FEM1B: variants seen among roughly 807,000 people sequenced by gnomAD.
FEM1B encodes the protein protein fem-1 homolog B.
FEM1B carries 10 observed loss-of-function variants against 38.6 expected under a neutral mutation model. The observed-to-expected ratio is 0.26, with a 90% CI of 0.16 to 0.44. The LOEUF (loss-of-function observed/expected upper bound fraction) is 0.44. Ranked by LOEUF, FEM1B falls within the 20% of genes least tolerant of loss-of-function variation. FEM1B has a pLI of 1.00. For missense variants in FEM1B, 471 were observed against 786.7 expected, an observed-to-expected ratio of 0.60 and a Z score of 4.80; for synonymous variants, 288 against 288.0, an observed-to-expected ratio of 1.00 and a Z score of 0.00.
chr15:68,287,928 G>A (rs1305661521), intron 1 of FEM1B, among the ~76,000 whole-genome samples: 1 of 150,192 alleles, frequency 6.7e-6, no homozygotes, highest in African/African-American at 2.5e-5. Flanking sequence ...CTGCCTCCCA[G>A]GTTCAAGCAA....
At position 68,292,191 on chromosome 15, in the gene FEM1B, A is replaced by G. The variant is rs189587944; in HGVS notation, c.*949A>G. ...GCCTCCCTAATAAGGTATTTTACTT[A>G]TGACAGATGAAAAGGAACCAGGATA... On this transcript the variant is annotated 3_prime_UTR_variant, in exon 2 of 2. Coordinates refer to ENST00000306917, the MANE Select transcript of FEM1B (RefSeq NM_015322.5). 1 of 152,314 alleles carries G rather than the reference A, an allele frequency of 6.6e-6. No homozygotes were observed. The highest frequency in any genetic ancestry group is 1.5e-5 in the Non-Finnish European group (1 of 68,004). 9.4% of individuals were successfully genotyped at this position (152,314 alleles called of 1,614,324 possible). A position where few individuals can be genotyped will look rare whatever the true frequency, so the allele number is the denominator to read the frequency against.
At chr15:68,287,186 C>T (rs114499684) in intron 1 of FEM1B, among the ~76,000 whole-genome samples, 1,686 of 152,188 alleles carry the variant, frequency 0.011, 39 homozygotes, top group African/African-American at 0.039. Flanking sequence ...CCACCGCACC[C>T]GGCCTGATTC....
Position 68,278,500 on chromosome 15 carries a change from C to G in FEM1B, c.83C>G (p.Ser28Cys). Reference sequence around the variant, plus strand: ...CTGGCCGCCTTGCTTCTCAACCGGTCTGAAAGCGACATCCGCTATCTGCTT... The same window carrying G: ...CTGGCCGCCTTGCTTCTCAACCGGTGTGAAAGCGACATCCGCTATCTGCTT... ...LTLAALLLNR[S>C]ESDIRYLLGY... The change falls in exon 1 of 2, where the codon TCT becomes TGT. Residue 28 changes from serine to cysteine, a missense_variant. By Grantham distance (112) the Ser-to-Cys change is moderately radical (BLOSUM62 -1). Transcript: ENST00000306917. This position sits in a 1 kb window ranked among gnomAD's most constrained non-coding sequence, Gnocchi z 5.7. 6.2e-7 allele frequency: 1 copy of G among 1,614,010 alleles called. No individual in the cohort carries two copies. The highest frequency in any genetic ancestry group is 1.1e-5 in the South Asian group (1 of 91,076).
Position 68,290,851 on chromosome 15 carries a change from TTGA to T in FEM1B, c.1498_1500del (p.Asp500del). The T allele has an allele frequency of 6.2e-7, 1 of 1,614,148 alleles. No homozygotes were observed. The highest frequency in any genetic ancestry group is 8.5e-7 in the Non-Finnish European group (1 of 1,180,024). ...CTGGCTGTCAATTCCAATACTCCAG[TTGA>T]TGATTTCCACACCAATGACGTCTGC... is the stretch of plus-strand genomic sequence containing the variant. On this transcript the variant is annotated inframe_deletion, in exon 2 of 2. Transcript: ENST00000306917. The surrounding 1 kb of genome is among the most constrained non-coding windows in gnomAD (Gnocchi z 9.7).
chr15:68,289,542 C>A lies in FEM1B; in HGVS notation c.249-65C>A. The A allele has an allele frequency of 8.5e-7, 1 of 1,173,412 alleles. No homozygotes were observed. Among genetic ancestry groups the A allele is most frequent in the South Asian group, 1.4e-5 (1 of 73,802 alleles). 72.7% of individuals were successfully genotyped at this position (1,173,412 alleles called of 1,614,324 possible). ...AGGTCTTGGTCGGTGGGAGTGAATA[C>A]ATCCCTTAAACATATGTTAGGCTGT... On this transcript the variant is annotated intron_variant, in intron 1 of 1. Transcript: ENST00000306917. The surrounding 1 kb of genome is among the most constrained non-coding windows in gnomAD (Gnocchi z 6.9).
intron 1 of FEM1B, among the ~76,000 whole-genome samples, chr15:68,279,312 A>G (rs941092519): frequency 6.6e-6 from 1 of 152,236 alleles, no homozygotes; most frequent in East Asian, 1.9e-4. Context: ...CCATTCTTAA[A>G]TTACATCTTA....
rs2140245311 is a variant in FEM1B at position 68,288,901 on chromosome 15, T to C, written c.249-706T>C. Among the ~76,000 whole-genome samples the C allele has an allele frequency of 6.6e-6, 1 of 152,306 alleles. No individual in the cohort carries two copies. Among genetic ancestry groups the C allele is most frequent in the East Asian group, 1.9e-4 (1 of 5,192 alleles). On this transcript the variant is annotated intron_variant, in intron 1 of 1. Transcript: ENST00000306917. This position sits in a 1 kb window ranked among gnomAD's most constrained non-coding sequence, Gnocchi z 4.6. The stretch of plus-strand genomic sequence containing the variant: ...CATATTTGTTTACTAGAGTCCCCTT[T>C]GTGCTTTCTCCCATTTCACTACCTC...
At position 68,281,256 on chromosome 15, in the gene FEM1B, T is replaced by C. The variant is rs142530350; in HGVS notation, c.248+2591T>C. Among the ~76,000 whole-genome samples, 1,072 of 152,354 alleles carry C rather than the reference T, an allele frequency of 7.0e-3. 17 individuals are homozygous for C. The highest frequency in any genetic ancestry group is 0.024 in the African/African-American group (1,018 of 41,578). ...AGGGATTAACAGCTGTGTGCTGAAGTAGATTAGTGTTTCTAATTTTTAGTC... is the reference window on the plus strand; with the variant it reads ...AGGGATTAACAGCTGTGTGCTGAAGCAGATTAGTGTTTCTAATTTTTAGTC... On this transcript the variant is annotated intron_variant, in intron 1 of 1. Transcript: ENST00000306917. This position sits in a 1 kb window ranked among gnomAD's most constrained non-coding sequence, Gnocchi z 5.1.
rs1892731413 is a variant in FEM1B at position 68,281,761 on chromosome 15, G to GCA, written c.248+3096_248+3097insCA. 6.6e-6 allele frequency among the ~76,000 whole-genome samples: 1 copy of GCA among 152,130 alleles called. No individual in the cohort carries two copies. Among genetic ancestry groups the GCA allele is most frequent in the Admixed American group, 6.5e-5 (1 of 15,282 alleles). On this transcript the variant is annotated intron_variant, in intron 1 of 1. Transcript: ENST00000306917. The surrounding 1 kb of genome is among the most constrained non-coding windows in gnomAD (Gnocchi z 5.1). ...GCCTCCCGAGTAGCTGGGACTACAG[G>GCA]TGCCCACAACCATGCCTGGCTATTT...
Position 68,278,212 on chromosome 15 carries a change from C to A in FEM1B, c.-206C>A. 1 of 642,982 alleles carries A rather than the reference C, an allele frequency of 1.6e-6. No individual in the cohort carries two copies. The highest frequency in any genetic ancestry group is 3.3e-5 in the East Asian group (1 of 30,622). The allele number at this position is 642,982 out of a possible 1,614,324, so 39.8% of individuals were successfully genotyped here. A position where few individuals can be genotyped will look rare whatever the true frequency, so the allele number is the denominator to read the frequency against. On this transcript the variant is annotated 5_prime_UTR_variant, in exon 1 of 2. Coordinates refer to ENST00000306917, the MANE Select transcript of FEM1B (RefSeq NM_015322.5). This position sits in a 1 kb window ranked among gnomAD's most constrained non-coding sequence, Gnocchi z 5.7. ...GCCTTCCTCCCTGCGCGGGCTGGGT[C>A]GCGGACGTGCCCTTCGCGGCACTCG...
In FEM1B at chr15:68,292,363, C is replaced by A. The variant is rs998366689; in HGVS notation, c.*1121C>A. The A allele has an allele frequency of 1.3e-5, 2 of 152,114 alleles. No individual in the cohort carries two copies. The highest frequency in any genetic ancestry group is 2.9e-5 in the Non-Finnish European group (2 of 67,988). 9.4% of individuals were successfully genotyped at this position (152,114 alleles called of 1,614,324 possible). A position where few individuals can be genotyped will look rare whatever the true frequency, so the allele number is the denominator to read the frequency against. Reference sequence around the variant, plus strand: ...TGTCTGAGAGCTGCAAATTTTTCAACCACAAAATGTCACTTATTCCTACAG... The same window carrying A: ...TGTCTGAGAGCTGCAAATTTTTCAAACACAAAATGTCACTTATTCCTACAG... On this transcript the variant is annotated 3_prime_UTR_variant, in exon 2 of 2. Coordinates refer to ENST00000306917, the MANE Select transcript of FEM1B (RefSeq NM_015322.5).
In FEM1B at chr15:68,290,497, A is replaced by G. The variant is rs1386512407; in HGVS notation, c.1139A>G (p.Asn380Ser). ...ALHLRQKGNR[N>S]THKDLLRFAQ... Reference sequence around the variant, plus strand: ...CACCTCAGACAAAAAGGTAACAGGAACACCCACAAGGATCTTCTTCGATTT... The same window carrying G: ...CACCTCAGACAAAAAGGTAACAGGAGCACCCACAAGGATCTTCTTCGATTT... The change falls in exon 2 of 2, where the codon AAC (asparagine) becomes AGC (serine). Residue 380 changes from asparagine to serine, a missense_variant. Asn to Ser is a conservative substitution (Grantham distance 46). This residue lies in a region of FEM1B where 380 missense variants were observed against 599.6 expected (regional missense o/e 0.63). Transcript: ENST00000306917. The surrounding 1 kb of genome is among the most constrained non-coding windows in gnomAD (Gnocchi z 9.7). 1.9e-6 allele frequency: 3 copies of G among 1,614,082 alleles called. No homozygotes were observed. The highest frequency in any genetic ancestry group is 2.2e-5 in the East Asian group (1 of 44,894).
Position 68,284,678 on chromosome 15 carries a change from T to C in FEM1B, c.249-4929T>C, listed in dbSNP as rs1489467471. Among the ~76,000 whole-genome samples the C allele has an allele frequency of 6.6e-6, 1 of 152,204 alleles. No homozygotes were observed. Among genetic ancestry groups the C allele is most frequent in the Non-Finnish European group, 1.5e-5 (1 of 68,026 alleles). On this transcript the variant is annotated intron_variant, in intron 1 of 1. Coordinates refer to ENST00000306917, the MANE Select transcript of FEM1B (RefSeq NM_015322.5). This position sits in a 1 kb window ranked among gnomAD's most constrained non-coding sequence, Gnocchi z 4.4. ...TCCCTTGTGCCCCTTCTCAGTTTCC[T>C]CCCTTTCCTTGCCAGAGGTAATGAT...
In FEM1B at chr15:68,290,985, A is replaced by G. The variant is rs1295942041; in HGVS notation, c.1627A>G (p.Asn543Asp). 1 of 1,614,190 alleles carries G rather than the reference A, an allele frequency of 6.2e-7. No individual in the cohort carries two copies. Among genetic ancestry groups the G allele is most frequent in the Non-Finnish European group, 8.5e-7 (1 of 1,180,018 alleles). ...NSALHIIVQY[N>D]RPISDFLTLH... is the part of the protein sequence containing the mutation. ...TGCCCTTCATATTATCGTTCAGTACAACAGGCCCATCAGTGATTTTTTGAC... is the reference window on the plus strand; with the variant it reads ...TGCCCTTCATATTATCGTTCAGTACGACAGGCCCATCAGTGATTTTTTGAC... Residue 543 changes from asparagine (N) to aspartate (D), a missense_variant, in exon 2 of 2, where the codon AAC becomes GAC. Asn to Asp is a conservative substitution (Grantham distance 23, BLOSUM62 1). This residue lies in a region of FEM1B where 380 missense variants were observed against 599.6 expected (regional missense o/e 0.63). Transcript: ENST00000306917. This position sits in a 1 kb window ranked among gnomAD's most constrained non-coding sequence, Gnocchi z 9.7.
chr15:68,294,545 A>G lies in FEM1B; in HGVS notation c.*3303A>G, dbSNP rs1892883216. 1 of 152,048 alleles carries G rather than the reference A, an allele frequency of 6.6e-6. No individual in the cohort carries two copies. Among genetic ancestry groups the G allele is most frequent in the Non-Finnish European group, 1.5e-5 (1 of 67,996 alleles). 9.4% of individuals were successfully genotyped at this position (152,048 alleles called of 1,614,324 possible). A position where few individuals can be genotyped will look rare whatever the true frequency, so the allele number is the denominator to read the frequency against. On this transcript the variant is annotated 3_prime_UTR_variant, in exon 2 of 2. Transcript: ENST00000306917. The surrounding 1 kb of genome is among the most constrained non-coding windows in gnomAD (Gnocchi z 4.4). ...AGTTTTCACTATAGTTGAGGCAGCTACTTTATGAATAAGACCACTTTGGGT... is the reference window on the plus strand; with the variant it reads ...AGTTTTCACTATAGTTGAGGCAGCTGCTTTATGAATAAGACCACTTTGGGT...
chr15:68,283,255 T>A (rs965255289), intron 1 of FEM1B, among the ~76,000 whole-genome samples: 1 of 152,130 alleles, frequency 6.6e-6, no homozygotes, highest in Admixed American at 6.5e-5. Flanking sequence ...GGGTAATGCT[T>A]TTCCTATAGG....
At chr15:68,285,933 T>G (rs535686928) in intron 1 of FEM1B, among the ~76,000 whole-genome samples, 1 of 152,068 alleles carries the variant, frequency 6.6e-6, no homozygotes, top group Admixed American at 6.5e-5. Context: ...AATGCTTTTT[T>G]TTTTTTTTGG....
Position 68,295,354 on chromosome 15 carries a change from A to AT in FEM1B, c.*4118dup, listed in dbSNP as rs1892893141. 6.6e-6 allele frequency: 1 copy of AT among 152,168 alleles called. No individual in the cohort carries two copies. The highest frequency in any genetic ancestry group is 2.4e-5 in the African/African-American group (1 of 41,430). The allele number at this position is 152,168 out of a possible 1,614,324, so 9.4% of individuals were successfully genotyped here. A position where few individuals can be genotyped will look rare whatever the true frequency, so the allele number is the denominator to read the frequency against. ...ATGAAATGAACAAGATTTTGTATCT[A>AT]TTTTTTATCAGGTGTTGTAAAATTT... On this transcript the variant is annotated 3_prime_UTR_variant, in exon 2 of 2. Coordinates refer to ENST00000306917, the MANE Select transcript of FEM1B (RefSeq NM_015322.5).
intron 1 of FEM1B, among the ~76,000 whole-genome samples, chr15:68,287,207 T>TA (rs374555915): frequency 6.6e-5 from 10 of 152,152 alleles, no homozygotes; most frequent in Non-Finnish European, 7.3e-5. Flanking sequence ...ATTCTTTAGT[T>TA]AAAAAAAATC....
Sources: allele counts gnomAD v4.1 joint callset (sites outside exome capture counted in the v4.1 genomes callset), GRCh38; gene constraint gnomAD v4.1.1; regional missense constraint gnomAD v4.1.1; non-coding constraint Gnocchi (gnomAD v3.1); transcripts MANE v1.5; gene names NCBI Gene and HGNC (gene_info 2026-07-23, HGNC 2026-07-21).